RFFL: variants seen among roughly 807,000 people sequenced by gnomAD.
RFFL encodes the protein E3 ubiquitin-protein ligase rififylin.
In RFFL, 16 loss-of-function variants were observed where a neutral mutation model predicts 40.4. The observed-to-expected ratio is 0.40, with a 90% confidence interval of 0.27 to 0.60. The LOEUF is 0.60. RFFL is among the 20% of genes least tolerant of loss of function. The probability of loss-of-function intolerance (pLI) is 0.47; values close to 1 mark genes in which losing one functional copy is unlikely to be tolerated. For synonymous variants in RFFL, 154 were observed against 167.9 expected, an observed-to-expected ratio of 0.92 and a Z score of 0.64; for missense variants, 367 against 451.7, an observed-to-expected ratio of 0.81 and a Z score of 1.70.
At chr17:35,038,759 T>C (rs1012652996) in intron 1 of RFFL, among the ~76,000 whole-genome samples, 39 of 152,218 alleles carry the variant, frequency 2.6e-4, no homozygotes, top group African/African-American at 8.4e-4. Context: ...GGATTACAGA[T>C]GGAAGGCAGC....
At chr17:35,017,666 G>T in intron 3 of RFFL, 60 bp from the exon 4 acceptor site, 2 of 1,152,678 alleles carry the variant, frequency 1.7e-6, no homozygotes, top group East Asian at 2.5e-5. Flanking sequence ...GCATAGCATG[G>T]GCCTCTTTTC....
At chr17:35,044,525 A>G (rs539546359) in intron 1 of RFFL, among the ~76,000 whole-genome samples, 1 of 152,336 alleles carries the variant, frequency 6.6e-6, no homozygotes, top group Non-Finnish European at 1.5e-5. Context: ...CTGAGGCAGG[A>G]GAATCGCTTA....
chr17:35,012,041 C>A lies in RFFL; in HGVS notation c.1019G>T (p.Cys340Phe). Residue 340 changes from cysteine to phenylalanine, a missense_variant, in exon 7 of 7, where the codon TGT becomes TTT. Cys to Phe is a radical substitution (Grantham distance 205). Coordinates refer to ENST00000394597, the MANE Select transcript of RFFL (RefSeq NM_001017368.2). ...GGGACATTCATTCATGCGCTTGCCACACTTGGTACAGGTTACCATGTGGCC... is the reference window on the plus strand; with the variant it reads ...GGGACATTCATTCATGCGCTTGCCAAACTTGGTACAGGTTACCATGTGGCC... ...ECGHMVTCTKCGKRMNECPIC... is the reference protein window; with the variant it reads ...ECGHMVTCTKFGKRMNECPIC... 6.2e-7 allele frequency: 1 copy of A among 1,614,210 alleles called. No individual in the cohort carries two copies. Among genetic ancestry groups the A allele is most frequent in the South Asian group, 1.1e-5 (1 of 91,082 alleles).
intron 2 of RFFL, among the ~76,000 whole-genome samples, chr17:35,023,327 T>A (rs945953470): frequency 2.6e-5 from 4 of 152,228 alleles, no homozygotes; most frequent in Non-Finnish European, 4.4e-5. Flanking sequence ...TTTGTCTAAG[T>A]ATCATTCACA....
intron 6 of RFFL, among the ~76,000 whole-genome samples, chr17:35,012,745 C>T (rs1273774473): frequency 3.3e-5 from 5 of 152,328 alleles, no homozygotes; most frequent in African/African-American, 4.8e-5. Flanking sequence ...GAGATTACTG[C>T]TCCCTCTTTC....
chr17:35,079,276 A>C (rs1016110992), intron 1 of RFFL, among the ~76,000 whole-genome samples: 1 of 152,054 alleles, frequency 6.6e-6, no homozygotes, highest in Non-Finnish European at 1.5e-5. Flanking sequence ...CACCCACCTC[A>C]GCCTCCCAAA....
Position 35,019,402 on chromosome 17 carries a change from C to T in RFFL, c.592-1796G>A, listed in dbSNP as rs140517218. ...GGTTTTTTGTTTTTGTTTTCTGAGA[C>T]AGGATCTCACTCTGTTGCCCAGGCT... On this transcript the variant is annotated intron_variant, in intron 3 of 6. Coordinates refer to ENST00000394597, the MANE Select transcript of RFFL (RefSeq NM_001017368.2). 3.6e-3 allele frequency among the ~76,000 whole-genome samples: 550 copies of T among 152,124 alleles called. 4 individuals carry two copies. The highest frequency in any genetic ancestry group is 0.013 in the African/African-American group (533 of 41,462).
chr17:35,043,430 TATA>T (rs1301610646), intron 1 of RFFL, among the ~76,000 whole-genome samples: 1 of 152,178 alleles, frequency 6.6e-6, no homozygotes, highest in African/African-American at 2.4e-5. Context: ...TAGCCGTCAT[TATA>T]ATAAGGCATG....
chr17:35,052,474 G>A (rs2091237289), intron 1 of RFFL, among the ~76,000 whole-genome samples: 1 of 152,162 alleles, frequency 6.6e-6, no homozygotes, highest in South Asian at 2.1e-4. Flanking sequence ...TGCTAATGAG[G>A]AGAGAATGAG....
rs369558378 is a variant in RFFL at position 35,026,449 on chromosome 17, G to A, written c.105C>T (p.Ser35=). The A allele has an allele frequency of 2.4e-5, 38 of 1,613,876 alleles. No individual in the cohort carries two copies. Among genetic ancestry groups the A allele is most frequent in the Non-Finnish European group, 3.1e-5 (37 of 1,179,916 alleles). ...CCAAGCCTGTTGGGGAAGGGAAGGA[G>A]CTGTACCCAGGGTTGGAATAGGCCT... ...RMQAYSNPGY[S]SFPSPTGLEP... Residue 35 remains serine (S), a synonymous_variant, in exon 2 of 7, where the codon AGC becomes AGT. Transcript: ENST00000394597.
chr17:35,026,453 T>C lies in RFFL; in HGVS notation c.101A>G (p.Tyr34Cys). Residue 34 changes from tyrosine to cysteine, a missense_variant, in exon 2 of 7, where the codon TAC (tyrosine) becomes TGC (cysteine). Coordinates refer to ENST00000394597, the MANE Select transcript of RFFL (RefSeq NM_001017368.2). ...ARMQAYSNPG[Y>C]SSFPSPTGLE... Reference sequence around the variant, plus strand: ...GCCTGTTGGGGAAGGGAAGGAGCTGTACCCAGGGTTGGAATAGGCCTGCAT... The same window carrying C: ...GCCTGTTGGGGAAGGGAAGGAGCTGCACCCAGGGTTGGAATAGGCCTGCAT... The C allele has an allele frequency of 6.2e-7, 1 of 1,613,968 alleles. No individual in the cohort carries two copies. Among genetic ancestry groups the C allele is most frequent in the Middle Eastern group, 1.7e-4 (1 of 6,052 alleles).
At chr17:35,014,135 T>TG (rs1310760996) in intron 6 of RFFL, among the ~76,000 whole-genome samples, 1 of 152,174 alleles carries the variant, frequency 6.6e-6, no homozygotes, top group Non-Finnish European at 1.5e-5. Context: ...TCCCCACAGA[T>TG]GGTCAGGAGT....
chr17:35,048,590 A>G (rs2091214082), intron 1 of RFFL, among the ~76,000 whole-genome samples: 1 of 152,062 alleles, frequency 6.6e-6, no homozygotes, highest in Admixed American at 6.6e-5. Context: ...TCCTCCTTGC[A>G]GCCCCAGGCT....
At chr17:35,049,435 G>T (rs2091219279) in intron 1 of RFFL, among the ~76,000 whole-genome samples, 2 of 152,194 alleles carry the variant, frequency 1.3e-5, no homozygotes, top group African/African-American at 4.8e-5. Context: ...GACTCGAGCA[G>T]ATGGTTATCC....
At chr17:35,040,581 C>T (rs537552123) in intron 1 of RFFL, among the ~76,000 whole-genome samples, 30 of 146,840 alleles carry the variant, frequency 2.0e-4, no homozygotes, top group East Asian at 9.9e-4. Context: ...CCAACCTGGG[C>T]GACAGAGCGA....
At position 35,016,369 on chromosome 17, in the gene RFFL, C is replaced by T; in HGVS notation, c.886+1G>A. 6.2e-7 allele frequency: 1 copy of T among 1,613,868 alleles called. No individual in the cohort carries two copies. The highest frequency in any genetic ancestry group is 8.5e-7 in the Non-Finnish European group (1 of 1,179,748). On this transcript the variant is annotated splice_donor_variant, in intron 5 of 6. Transcript: ENST00000394597. LOFTEE classifies it high-confidence loss of function. ...AAGCTACCATGCAGATAGCCCCTCA[C>T]CCAGGTGCTGGAGTCCTTTCTGATC...
At chr17:35,083,725 G>A (rs1185290851) in intron 1 of RFFL, among the ~76,000 whole-genome samples, 2 of 150,116 alleles carry the variant, frequency 1.3e-5, no homozygotes, top group Non-Finnish European at 1.5e-5. Context: ...AGGTTGCAGT[G>A]AGCCAAGATC....
intron 1 of RFFL, chr17:35,042,239 A>T (rs372048486): frequency 5.3e-5 from 8 of 152,196 alleles, no homozygotes; most frequent in African/African-American, 1.9e-4. Context: ...TCATCTCTTA[A>T]CTTGGAAGGC....
upstream of RFFL, among the ~76,000 whole-genome samples, chr17:35,065,278 G>A (rs150710528): frequency 1.3e-4 from 20 of 152,182 alleles, no homozygotes; most frequent in Admixed American, 8.5e-4. Flanking sequence ...TAAGAGGGCC[G>A]GGCACAGCGG....
Sources: allele counts gnomAD v4.1 joint callset (sites outside exome capture counted in the v4.1 genomes callset), GRCh38; gene constraint gnomAD v4.1.1; transcripts MANE v1.5; gene names NCBI Gene and HGNC (gene_info 2026-07-23, HGNC 2026-07-21).